Variants in PCDHA7 observed in about 807,000 individuals in gnomAD.
PCDHA7 encodes protocadherin alpha-7.
In PCDHA7, 37 loss-of-function variants were observed where a neutral mutation model predicts 57.2. The ratio of observed to expected loss-of-function variants is 0.65; its 90% CI spans 0.50 to 0.85. PCDHA7 has a LOEUF of 0.85. Among genes scored for constraint, PCDHA7 ranks in the 40% least tolerant of loss-of-function variants. The pLI is 0.00. For missense variants in PCDHA7, 1,188 were observed against 1,241.8 expected, an observed-to-expected ratio of 0.96 and a Z score of 0.65; for synonymous variants, 553 against 558.8, an observed-to-expected ratio of 0.99 and a Z score of 0.15.
In PCDHA7 at chr5:140,870,774, G is replaced by T. The variant is rs782539037; in HGVS notation, c.2355+34036G>T. The T allele has an allele frequency of 2.9e-5, 47 of 1,613,632 alleles. 1 individual carries two copies. The South Asian group carries it at 3.8e-4, about 13-fold the overall frequency. On this transcript the variant is annotated intron_variant, in intron 1 of 3. Coordinates refer to ENST00000525929, the MANE Select transcript of PCDHA7 (RefSeq NM_018910.3). ...CGCTGCAGGTGTTCGTGCTGGACGA[G>T]AACGACAACGCGCCGGCACTGCTGG...
At chr5:140,939,789 A>T (rs1259994967) in intron 1 of PCDHA7, among the ~76,000 whole-genome samples, 1 of 152,246 alleles carries the variant, frequency 6.6e-6, no homozygotes, top group African/African-American at 2.4e-5. Flanking sequence ...GTCAATTTCT[A>T]TAAATGTTCT....
intron 1 of PCDHA7, chr5:140,878,023 T>C (rs1162658024): frequency 2.6e-6 from 2 of 762,594 alleles, no homozygotes; most frequent in Non-Finnish European, 3.8e-6. Context: ...GAAGGAAATA[T>C]GTAGGTACAA....
At chr5:140,899,443 G>A (rs1554188558) in intron 1 of PCDHA7, among the ~76,000 whole-genome samples, 4 of 152,210 alleles carry the variant, frequency 2.6e-5, no homozygotes, top group African/African-American at 9.7e-5. Context: ...CATCTATTGA[G>A]ATAATCATGT....
chr5:140,907,554 A>G (rs1554193052), intron 1 of PCDHA7, among the ~76,000 whole-genome samples: 2 of 152,224 alleles, frequency 1.3e-5, no homozygotes, highest in African/African-American at 2.4e-5. Context: ...AAGAGGTCCA[A>G]TATAATCAAC....
At position 140,946,631 on chromosome 5, in the gene PCDHA7, T is replaced by TATATATATATATATATACAC. The variant is rs57893927; in HGVS notation, c.2356-32317_2356-32316insTATATATATATATATACACA. 2.9e-4 allele frequency among the ~76,000 whole-genome samples: 38 copies of TATATATATATATATATACAC among 131,846 alleles called. No individual in the cohort carries two copies. The East Asian group carries it at 4.9e-3, about 17-fold the overall frequency. The allele number at this position is 131,846 out of a possible 152,430, so 86.5% of individuals were successfully genotyped here. A position where few individuals can be genotyped will look rare whatever the true frequency, so the allele number is the denominator to read the frequency against. On this transcript the variant is annotated intron_variant, in intron 1 of 3. Transcript: ENST00000525929. ...TGTGAAATATATATATATATATATATACAATGGAATACTCATCAGCCATTA... is the reference window on the plus strand; with the variant it reads ...TGTGAAATATATATATATATATATATATATATATATATATATACACACAATGGAATACTCATCAGCCATTA...
At chr5:140,886,680 G>A (rs1554182653) in intron 1 of PCDHA7, among the ~76,000 whole-genome samples, 1 of 151,946 alleles carries the variant, frequency 6.6e-6, no homozygotes, top group Non-Finnish European at 1.5e-5. Flanking sequence ...ACAAAAATTA[G>A]CGAGGCATGG....
intron 1 of PCDHA7, among the ~76,000 whole-genome samples, chr5:140,844,624 A>G (rs1293220990): frequency 6.7e-6 from 1 of 149,582 alleles, no homozygotes; most frequent in Non-Finnish European, 1.5e-5. Context: ...TTTCATCAGA[A>G]AAACTATACA....
At chr5:140,967,315 G>A (rs1554229427) in intron 1 of PCDHA7, 1 of 1,610,854 alleles carries the variant, frequency 6.2e-7, no homozygotes, top group African/African-American at 1.3e-5. Context: ...ACTCAGTACA[G>A]ACCTACGAGC....
At chr5:140,876,607 T>C in intron 1 of PCDHA7, 1 of 1,614,186 alleles carries the variant, frequency 6.2e-7, no homozygotes, top group Non-Finnish European at 8.5e-7. Flanking sequence ...GGATCGTGAC[T>C]CTGGAGCCAA....
chr5:140,900,127 T>A (rs528737566), intron 1 of PCDHA7, among the ~76,000 whole-genome samples: 2 of 152,328 alleles, frequency 1.3e-5, no homozygotes, highest in East Asian at 3.9e-4. Flanking sequence ...GATTTTTAGG[T>A]ACCACAAATA....
Position 141,010,115 on chromosome 5 carries a change from C to A in PCDHA7, c.*178C>A, listed in dbSNP as rs1037998611. 1.2e-6 allele frequency: 2 copies of A among 1,609,682 alleles called. No individual in the cohort carries two copies. The highest frequency in any genetic ancestry group is 2.2e-5 in the South Asian group (2 of 90,640). ...CATTTAACAGGTTTTGTCGTAAAAG[C>A]TTTACTAAGTCTGGTGTTAACTCTT... On this transcript the variant is annotated 3_prime_UTR_variant, in exon 4 of 4. Transcript: ENST00000525929.
At chr5:140,868,859 A>G (rs2050687281) in intron 1 of PCDHA7, 1 of 502,518 alleles carries the variant, frequency 2.0e-6, no homozygotes, top group African/African-American at 1.9e-5. Context: ...TGTGGTGGTA[A>G]ATGCAGTGCA....
chr5:140,883,546 C>T (rs782071318), intron 1 of PCDHA7: 3 of 1,614,200 alleles, frequency 1.9e-6, no homozygotes, highest in Non-Finnish European at 1.7e-6. Flanking sequence ...TGGTGGTGAC[C>T]GCGCGGGACG....
intron 1 of PCDHA7, among the ~76,000 whole-genome samples, chr5:140,949,300 G>T (rs1373100269): frequency 1.3e-5 from 2 of 151,534 alleles, no homozygotes; most frequent in Non-Finnish European, 1.5e-5. Flanking sequence ...GTAATTGTTG[G>T]GTGTAATGAT....
intron 1 of PCDHA7, chr5:140,930,374 C>G (rs549190703): frequency 6.6e-6 from 1 of 151,988 alleles, no homozygotes; most frequent in South Asian, 2.1e-4. Flanking sequence ...TGTTAGTGGC[C>G]CTTGGCATTT....
intron 1 of PCDHA7, among the ~76,000 whole-genome samples, chr5:140,957,275 C>T (rs1203444899): frequency 6.6e-6 from 1 of 152,158 alleles, no homozygotes; most frequent in African/African-American, 2.4e-5. Flanking sequence ...CTAGTCCCCC[C>T]TTACCTGCAG....
At chr5:140,910,311 A>G (rs928675389) in intron 1 of PCDHA7, among the ~76,000 whole-genome samples, 4 of 152,224 alleles carry the variant, frequency 2.6e-5, no homozygotes, top group African/African-American at 9.6e-5. Context: ...AGAGATCTAC[A>G]TGAGTCAGAC....
intron 1 of PCDHA7, among the ~76,000 whole-genome samples, chr5:140,906,909 G>A (rs1477484139): frequency 1.3e-5 from 2 of 152,174 alleles, no homozygotes; most frequent in Admixed American, 6.5e-5. Flanking sequence ...TTAAAGGTAG[G>A]AGGAGCCCAA....
intron 1 of PCDHA7, chr5:140,884,108 G>T: frequency 1.9e-6 from 3 of 1,613,402 alleles, no homozygotes; most frequent in Non-Finnish European, 2.5e-6. Context: ...ATTGCAGCTG[G>T]CGGCGGTCGG....
Sources: allele counts gnomAD v4.1 joint callset (sites outside exome capture counted in the v4.1 genomes callset), GRCh38; gene constraint gnomAD v4.1.1; transcripts MANE v1.5; gene names NCBI Gene and HGNC (gene_info 2026-07-23, HGNC 2026-07-21).